Variants in ZNF490 observed in about 807,000 individuals in gnomAD.
ZNF490 encodes zinc finger protein 490.
Under a neutral mutation model 17.7 loss-of-function variants are expected in ZNF490, and 11 were observed. The observed-to-expected ratio is 0.62, with a 90% confidence interval of 0.39 to 1.03. ZNF490 has a LOEUF of 1.03. ZNF490 is among the 50% of genes least tolerant of loss of function. The pLI, the probability that ZNF490 is intolerant of heterozygous loss-of-function variation, is 0.00. For missense variants in ZNF490, 542 were observed against 643.4 expected (o/e 0.84, Z 1.71); for synonymous variants, 222 against 216.1 (o/e 1.03, Z -0.24).
chr19:12,598,338 A>C (rs974707310), intron 2 of ZNF490, among the ~76,000 whole-genome samples: 3 of 152,110 alleles, frequency 2.0e-5, no homozygotes, highest in Non-Finnish European at 2.9e-5. Flanking sequence ...TGTTAAGTGC[A>C]CTGTAAAAGC....
chr19:12,598,531 C>T (rs1156370759), intron 2 of ZNF490, among the ~76,000 whole-genome samples: 2 of 151,166 alleles, frequency 1.3e-5, no homozygotes, highest in African/African-American at 4.8e-5. Context: ...TGAGCCACCA[C>T]GCCCGGCTAA....
At chr19:12,587,606 A>G (rs2022818212) in intron 2 of ZNF490, among the ~76,000 whole-genome samples, 1 of 92,872 alleles carries the variant, frequency 1.1e-5, no homozygotes, top group African/African-American at 3.2e-5. Flanking sequence ...AACTTAAAGT[A>G]TAATAATAAA....
chr19:12,599,139 C>CAAAAAAAAAAAAAAAAAAAAAGA (rs2022971371), intron 2 of ZNF490, among the ~76,000 whole-genome samples: 3 of 68,626 alleles, frequency 4.4e-5, no homozygotes, highest in Admixed American at 2.1e-4. Context: ...GACTCTGTCT[C>CAAAAAAAAAAAAAAAAAAAAAGA]AAAAAAAAAA....
intron 2 of ZNF490, among the ~76,000 whole-genome samples, chr19:12,607,332 A>G (rs2023080759): frequency 6.6e-6 from 1 of 151,830 alleles, no homozygotes; most frequent in Non-Finnish European, 1.5e-5. Flanking sequence ...CTGGGATTAC[A>G]GATGTGCACA....
At chr19:12,599,604 T>G (rs1273379818) in intron 2 of ZNF490, among the ~76,000 whole-genome samples, 1 of 152,222 alleles carries the variant, frequency 6.6e-6, no homozygotes, top group Non-Finnish European at 1.5e-5. Flanking sequence ...TTAAAATCAC[T>G]TACCAGGTTT....
intron 2 of ZNF490, among the ~76,000 whole-genome samples, chr19:12,599,580 C>G (rs1346441996): frequency 6.6e-6 from 1 of 152,142 alleles, no homozygotes; most frequent in Non-Finnish European, 1.5e-5. Flanking sequence ...CTAGGCTCCC[C>G]ACCTGGTCCA....
intron 2 of ZNF490, among the ~76,000 whole-genome samples, chr19:12,596,444 C>T (rs900904279): frequency 6.6e-6 from 1 of 152,018 alleles, no homozygotes; most frequent in Non-Finnish European, 1.5e-5. Flanking sequence ...TTTTGGGAGG[C>T]CAAGGCAAGA....
At chr19:12,602,873 G>A (rs2145164824) in intron 2 of ZNF490, among the ~76,000 whole-genome samples, 1 of 152,030 alleles carries the variant, frequency 6.6e-6, no homozygotes, top group Admixed American at 6.5e-5. Flanking sequence ...CAATCCACCT[G>A]CCTCAGCCTC....
At chr19:12,593,753 T>C (rs1034896888) in intron 2 of ZNF490, among the ~76,000 whole-genome samples, 2 of 152,090 alleles carry the variant, frequency 1.3e-5, no homozygotes, top group African/African-American at 4.8e-5. Flanking sequence ...AATGTGGCCA[T>C]GTCAGCCATC....
Position 12,581,658 on chromosome 19 carries a change from C to A in ZNF490, c.417G>T (p.Gln139His). The part of the protein sequence containing the change: ...EDCPCGKSTS[Q>H]IPDLNTNLET... ...CCAGGTTCGTATTAAGATCAGGAAT[C>A]TGGCTAGTGCTTTTTCCACATGGAC... The change falls in exon 5 of 5, where the codon CAG becomes CAT. Residue 139 changes from glutamine (Q) to histidine (H), a missense_variant. Physicochemically the swap from Gln to His is conservative, Grantham distance 24 (BLOSUM62 0). Coordinates refer to ENST00000311437, the MANE Select transcript of ZNF490 (RefSeq NM_020714.3). 1.2e-6 allele frequency: 2 copies of A among 1,614,136 alleles called. No homozygotes were observed. Among genetic ancestry groups the A allele is most frequent in the Non-Finnish European group, 1.7e-6 (2 of 1,180,008 alleles).
At position 12,588,018 on chromosome 19, in the gene ZNF490, T is replaced by C. The variant is rs578188738; in HGVS notation, c.163-4462A>G. On this transcript the variant is annotated intron_variant, in intron 2 of 4. Coordinates refer to ENST00000311437, the MANE Select transcript of ZNF490 (RefSeq NM_020714.3). ...CTGAGTAGCTGGAATTGCAGGCACC[T>C]GCCACCACGCCTGGCTAATTTTTGT... Among the ~76,000 whole-genome samples the C allele has an allele frequency of 5.5e-4, 52 of 94,934 alleles. 15 individuals are homozygous for C. In the South Asian group the frequency reaches 0.011, roughly 20 times the overall value. 62.3% of individuals were successfully genotyped at this position (94,934 alleles called of 152,430 possible). A position where few individuals can be genotyped will look rare whatever the true frequency, so the allele number is the denominator to read the frequency against.
intron 2 of ZNF490, among the ~76,000 whole-genome samples, chr19:12,605,248 G>A (rs944581780): frequency 2.6e-5 from 4 of 152,138 alleles, no homozygotes; most frequent in Non-Finnish European, 4.4e-5. Context: ...TGAGAGGAGC[G>A]AGGTGGGAGG....
Position 12,578,122 on chromosome 19 carries a change from A to G in ZNF490, c.*2363T>C. 1 of 985,498 alleles carries G rather than the reference A, an allele frequency of 1.0e-6. No individual in the cohort carries two copies. Among genetic ancestry groups the G allele is most frequent in the Non-Finnish European group, 1.2e-6 (1 of 830,012 alleles). The allele number at this position is 985,498 out of a possible 1,614,324, so 61.0% of individuals were successfully genotyped here. ...CCAAGAAGAGCTAAGTGCTAGTCTT[A>G]GCGGGAGGCTAGGAAACCAGTCCTG... is the stretch of plus-strand genomic sequence containing the variant. On this transcript the variant is annotated 3_prime_UTR_variant, in exon 5 of 5. Coordinates refer to ENST00000311437, the MANE Select transcript of ZNF490 (RefSeq NM_020714.3).
Position 12,578,261 on chromosome 19 carries a change from G to C in ZNF490, c.*2224C>G. ...CAGAAAACAGGGAAAGCAAGTTAGG[G>C]GAGGTAAGAATTCTGAGTGTCCTAC... On this transcript the variant is annotated 3_prime_UTR_variant, in exon 5 of 5. Coordinates refer to ENST00000311437, the MANE Select transcript of ZNF490 (RefSeq NM_020714.3). 2.0e-6 allele frequency: 2 copies of C among 985,586 alleles called. No individual in the cohort carries two copies. The highest frequency in any genetic ancestry group is 1.2e-6 in the Non-Finnish European group (1 of 830,048). The allele number at this position is 985,586 out of a possible 1,614,324, so 61.1% of individuals were successfully genotyped here. A position where few individuals can be genotyped will look rare whatever the true frequency, so the allele number is the denominator to read the frequency against.
intron 2 of ZNF490, among the ~76,000 whole-genome samples, chr19:12,591,796 G>C (rs981617480): frequency 7.0e-5 from 10 of 143,816 alleles, no homozygotes; most frequent in African/African-American, 2.6e-4. Flanking sequence ...GCTGGCAATG[G>C]AAAATGATAC....
At chr19:12,592,063 C>T (rs898614762) in intron 2 of ZNF490, among the ~76,000 whole-genome samples, 8 of 152,138 alleles carry the variant, frequency 5.3e-5, no homozygotes, top group African/African-American at 1.4e-4. Flanking sequence ...ATCAGCTGGG[C>T]GCGGTGGCTC....
At chr19:12,601,926 G>A (rs557476588) in intron 2 of ZNF490, among the ~76,000 whole-genome samples, 40 of 151,354 alleles carry the variant, frequency 2.6e-4, no homozygotes, top group Non-Finnish European at 4.6e-4. Flanking sequence ...CCCGGGAGGC[G>A]GAGCTTGCAG....
At chr19:12,600,916 C>T (rs1225101476) in intron 2 of ZNF490, among the ~76,000 whole-genome samples, 2 of 151,996 alleles carry the variant, frequency 1.3e-5, no homozygotes, top group African/African-American at 2.4e-5. Context: ...CATGACACAA[C>T]CTGTCTCTCC....
chr19:12,595,432 T>C (rs1202545605), intron 2 of ZNF490, among the ~76,000 whole-genome samples: 3 of 152,098 alleles, frequency 2.0e-5, no homozygotes, highest in African/African-American at 7.2e-5. Flanking sequence ...GTTGCATAAT[T>C]CTTTTACTAT....
Sources: gnomAD v4.1 joint callset for allele counts (sites outside exome capture counted in the v4.1 genomes callset) on GRCh38, gnomAD v4.1.1 for gene constraint, MANE v1.5 for transcripts, NCBI Gene and HGNC (gene_info 2026-07-23, HGNC 2026-07-21) for gene names.